Variants in TMCO1 observed in about 807,000 individuals in gnomAD.
The protein encoded by TMCO1 is calcium load-activated calcium channel.
In TMCO1, 29 loss-of-function variants were observed where a neutral mutation model predicts 29.3. That is an observed-to-expected ratio of 0.99 (90% confidence interval 0.74 to 1.35). The LOEUF (loss-of-function observed/expected upper bound fraction) is 1.35. Ranked by LOEUF, TMCO1 falls within the 40% of genes most tolerant of loss-of-function variation. The probability of loss-of-function intolerance (pLI) is 0.00; values close to 1 mark genes in which losing one functional copy is unlikely to be tolerated. For synonymous variants in TMCO1, 80 were observed against 77.1 expected, an observed-to-expected ratio of 1.04 and a Z score of -0.20; for missense variants, 173 against 225.5, an observed-to-expected ratio of 0.77 and a Z score of 1.49.
intron 6 of TMCO1, among the ~76,000 whole-genome samples, chr1:165,741,304 T>C (rs930960847): frequency 6.6e-6 from 1 of 152,246 alleles, no homozygotes; most frequent in Non-Finnish European, 1.5e-5. Context: ...TTCACTGTTA[T>C]AGTTTATAAC....
Position 165,727,953 on chromosome 1 carries a change from C to G in TMCO1, c.*70G>C, listed in dbSNP as rs1165063517. 2 of 1,243,848 alleles carry G rather than the reference C, an allele frequency of 1.6e-6. No homozygotes were observed. The highest frequency in any genetic ancestry group is 1.2e-6 in the Non-Finnish European group (1 of 862,662). 77.1% of individuals were successfully genotyped at this position (1,243,848 alleles called of 1,614,324 possible). ...GTAGTAAGGCTACCTATGGCTCTTG[C>G]TACAAAACAGTTGCCAGTCTGATGT... On this transcript the variant is annotated 3_prime_UTR_variant, in exon 7 of 7. Transcript: ENST00000367881.
chr1:165,742,268 CT>C (rs371892901), intron 6 of TMCO1, among the ~76,000 whole-genome samples: 1 of 147,422 alleles, frequency 6.8e-6, no homozygotes, highest in Non-Finnish European at 1.5e-5. Flanking sequence ...GGCTCCCCCC[CT>C]TTTCTTTTTT....
intron 4 of TMCO1, among the ~76,000 whole-genome samples, chr1:165,753,671 G>A (rs550816023): frequency 5.9e-5 from 9 of 151,742 alleles, no homozygotes; most frequent in South Asian, 2.1e-4. Flanking sequence ...AAAATTAGCC[G>A]GGCGTGGTGT....
At chr1:165,766,025 A>G (rs1324263984) in intron 2 of TMCO1, among the ~76,000 whole-genome samples, 1 of 152,248 alleles carries the variant, frequency 6.6e-6, no homozygotes, top group Non-Finnish European at 1.5e-5. Flanking sequence ...AAAAGTGGTC[A>G]GATTCTGGAT....
intron 5 of TMCO1, among the ~76,000 whole-genome samples, chr1:165,749,954 T>G (rs1476259834): frequency 6.6e-6 from 1 of 151,944 alleles, no homozygotes; most frequent in East Asian, 1.9e-4. Flanking sequence ...TCACACAAAT[T>G]ATCAAAAAAA....
At chr1:165,753,238 C>T (rs186799500) in intron 4 of TMCO1, among the ~76,000 whole-genome samples, 2 of 151,682 alleles carry the variant, frequency 1.3e-5, no homozygotes, top group Non-Finnish European at 2.9e-5. Context: ...TTTGGGAGGC[C>T]GAGGCAGGTG....
Position 165,728,017 on chromosome 1 carries a change from T to C in TMCO1, c.*6A>G. On this transcript the variant is annotated 3_prime_UTR_variant, in exon 7 of 7. Transcript: ENST00000367881. ...AAGAATGATAGAAAATAAAGAGTTC[T>C]TGAGTTCAAGAGAACTTCCCAGAAG... The C allele has an allele frequency of 6.3e-7, 1 of 1,598,836 alleles. No individual in the cohort carries two copies. Among genetic ancestry groups the C allele is most frequent in the Non-Finnish European group, 8.6e-7 (1 of 1,169,142 alleles).
chr1:165,732,662 A>C (rs147211502), intron 6 of TMCO1, among the ~76,000 whole-genome samples: 83 of 152,008 alleles, frequency 5.5e-4, no homozygotes, highest in African/African-American at 1.9e-3. Context: ...CAAATGTACC[A>C]CTCTGGTGGA....
At chr1:165,731,886 A>G (rs996432804) in intron 6 of TMCO1, among the ~76,000 whole-genome samples, 10 of 152,236 alleles carry the variant, frequency 6.6e-5, no homozygotes, top group Non-Finnish European at 1.3e-4. Context: ...ACACTAAATT[A>G]AATGTATCGG....
intron 6 of TMCO1, among the ~76,000 whole-genome samples, chr1:165,740,348 C>A (rs926624120): frequency 4.6e-5 from 7 of 151,814 alleles, no homozygotes; most frequent in Admixed American, 3.3e-4. Flanking sequence ...CTACGGGTGA[C>A]CACCACCACG....
chr1:165,766,419 G>GA (rs1420454367), intron 2 of TMCO1, among the ~76,000 whole-genome samples: 1 of 152,144 alleles, frequency 6.6e-6, no homozygotes, highest in African/African-American at 2.4e-5. Context: ...TGAATGTAGA[G>GA]AAAAAAACTA....
At chr1:165,730,032 T>C (rs988369270) in intron 6 of TMCO1, among the ~76,000 whole-genome samples, 4 of 151,940 alleles carry the variant, frequency 2.6e-5, no homozygotes, top group Non-Finnish European at 5.9e-5. Flanking sequence ...AGAATGTGTA[T>C]TGAGGACGGC....
At chr1:165,749,632 C>G (rs777368962) in intron 5 of TMCO1, among the ~76,000 whole-genome samples, 1 of 151,940 alleles carries the variant, frequency 6.6e-6, no homozygotes, top group Non-Finnish European at 1.5e-5. Flanking sequence ...CACTGCACTC[C>G]GGCCTGGGTA....
intron 6 of TMCO1, among the ~76,000 whole-genome samples, chr1:165,730,921 G>C (rs950584778): frequency 4.7e-5 from 7 of 147,440 alleles, no homozygotes; most frequent in Admixed American, 6.8e-5. Context: ...TTTTTTTTGA[G>C]ACAGAGTCTC....
chr1:165,733,032 G>C (rs1357850627), intron 6 of TMCO1, among the ~76,000 whole-genome samples: 1 of 152,124 alleles, frequency 6.6e-6, no homozygotes, highest in Admixed American at 6.5e-5. Context: ...CTTACACTCT[G>C]CAAGGCATTG....
At chr1:165,725,797 A>C (rs1479370608), downstream of TMCO1, 1 of 460,240 alleles carries the variant, frequency 2.2e-6, no homozygotes, top group Non-Finnish European at 4.3e-6. Flanking sequence ...TGATAGTTTT[A>C]TTTCCTCTGT....
chr1:165,752,340 C>T (rs1372041931), intron 4 of TMCO1, among the ~76,000 whole-genome samples, 171 bp from the exon 5 acceptor site: 3 of 150,370 alleles, frequency 2.0e-5, no homozygotes, highest in South Asian at 2.1e-4. Flanking sequence ...CTGCAAGCTC[C>T]GTCCCCCCGG....
At chr1:165,757,960 T>C (rs1486946714) in intron 3 of TMCO1, among the ~76,000 whole-genome samples, 1 of 152,204 alleles carries the variant, frequency 6.6e-6, no homozygotes, top group African/African-American at 2.4e-5. Flanking sequence ...CTATTCTTTA[T>C]AGCAAAGGTA....
intron 5 of TMCO1, among the ~76,000 whole-genome samples, chr1:165,751,671 C>T (rs1651997997): frequency 6.6e-6 from 1 of 151,570 alleles, no homozygotes; most frequent in Non-Finnish European, 1.5e-5. Context: ...CGCCACTGCA[C>T]TCCAGCCTGG....
Sources: gnomAD v4.1 joint callset for allele counts (sites outside exome capture counted in the v4.1 genomes callset) on GRCh38, gnomAD v4.1.1 for gene constraint, MANE v1.5 for transcripts, NCBI Gene and HGNC (gene_info 2026-07-23, HGNC 2026-07-21) for gene names.